Variants in BLTP1 observed in about 807,000 individuals in gnomAD.
The protein encoded by BLTP1 is fragile site-associated protein.
At chr4:122,315,567 A>G in the BLTP1 span, 4 of 1,613,988 alleles carry the variant, frequency 2.5e-6, no homozygotes, top group East Asian at 2.2e-5. Context: ...GCTCTGGGCA[A>G]TACTCTTACA....
At chr4:122,355,745 G>C in the BLTP1 span, 2 of 1,516,188 alleles carry the variant, frequency 1.3e-6, no homozygotes, top group Non-Finnish European at 1.8e-6. Flanking sequence ...ATATAGGCTT[G>C]TCAATGCCTA....
the BLTP1 span, chr4:122,207,898 C>G: frequency 1.0e-6 from 1 of 984,010 alleles, no homozygotes. Context: ...TGTGGCTAAT[C>G]TGTATGTTAG....
the BLTP1 span, chr4:122,207,032 G>A: frequency 3.8e-6 from 5 of 1,314,006 alleles, no homozygotes; most frequent in Middle Eastern, 2.7e-4. Context: ...TTTTTGACTG[G>A]TGTTAGAAAA....
At chr4:122,264,748 G>A in the BLTP1 span, among the ~76,000 whole-genome samples, 2 of 152,172 alleles carry the variant, frequency 1.3e-5, no homozygotes, top group Admixed American at 6.5e-5. Flanking sequence ...TTTATTGAGC[G>A]AGCAGTGGGG....
chr4:122,271,385 T>C, the BLTP1 span: 2 of 1,613,750 alleles, frequency 1.2e-6, no homozygotes, highest in African/African-American at 2.7e-5. Flanking sequence ...TTCATCTGAC[T>C]TTAGCCGCAG....
the BLTP1 span, chr4:122,356,718 T>C: frequency 1.9e-6 from 3 of 1,613,480 alleles, no homozygotes; most frequent in African/African-American, 2.7e-5. Flanking sequence ...TGTTTCTTCA[T>C]GATTTAGTAT....
At chr4:122,356,328 C>T in the BLTP1 span, among the ~76,000 whole-genome samples, 29 of 152,254 alleles carry the variant, frequency 1.9e-4, no homozygotes, top group African/African-American at 6.3e-4. Flanking sequence ...AGGAAATGCT[C>T]ATTGGAGGAT....
chr4:122,355,487 A>T, the BLTP1 span, among the ~76,000 whole-genome samples: 1 of 150,994 alleles, frequency 6.6e-6, no homozygotes, highest in African/African-American at 2.4e-5. Context: ...TATTGGGTTT[A>T]TACAAATCCC....
chr4:122,359,702 G>T, the BLTP1 span: 2 of 1,610,550 alleles, frequency 1.2e-6, no homozygotes, highest in Non-Finnish European at 8.5e-7. Flanking sequence ...GCAATACATG[G>T]CATCTAGAAC....
At chr4:122,336,144 T>C in the BLTP1 span, 2 of 1,470,268 alleles carry the variant, frequency 1.4e-6, no homozygotes, top group Non-Finnish European at 1.8e-6. Context: ...TTCTGTTTAA[T>C]TGGAACTTTT....
the BLTP1 span, chr4:122,207,170 C>T: frequency 1.3e-5 from 21 of 1,610,298 alleles, no homozygotes; most frequent in East Asian, 1.1e-4. Flanking sequence ...GTTCCATATA[C>T]GTGGAATTTT....
the BLTP1 span, chr4:122,362,172 A>C: frequency 6.2e-7 from 1 of 1,613,502 alleles, no homozygotes; most frequent in Non-Finnish European, 8.5e-7. Flanking sequence ...AGGTTCTGTC[A>C]GTTCTTATCA....
the BLTP1 span, among the ~76,000 whole-genome samples, chr4:122,314,960 T>C: frequency 1.3e-5 from 2 of 152,178 alleles, no homozygotes; most frequent in African/African-American, 4.8e-5. Flanking sequence ...TTGTAGCTCT[T>C]GTCTTTGCTT....
At chr4:122,240,344 A>G in the BLTP1 span, 1 of 1,613,354 alleles carries the variant, frequency 6.2e-7, no homozygotes, top group Non-Finnish European at 8.5e-7. Context: ...TTTCTGTTCC[A>G]ACTTTTAAGG....
chr4:122,257,604 T>A, the BLTP1 span: 1 of 992,640 alleles, frequency 1.0e-6, no homozygotes, highest in Non-Finnish European at 1.5e-6. Context: ...TATGCATCTT[T>A]TATCAGTAAG....
chr4:122,156,983 GAA>G, the BLTP1 span, among the ~76,000 whole-genome samples: 3 of 152,152 alleles, frequency 2.0e-5, no homozygotes, highest in Admixed American at 6.5e-5. Context: ...ACTTATGGTA[GAA>G]AGAGGAAATG....
chr4:122,353,020 A>G, the BLTP1 span: 16 of 1,614,086 alleles, frequency 9.9e-6, no homozygotes, highest in African/African-American at 4.0e-5. This position sits in a 1 kb window ranked among gnomAD's most constrained non-coding sequence, Gnocchi z 4.3. Flanking sequence ...TGGAGGATCA[A>G]TGAGCTTACA....
the BLTP1 span, chr4:122,350,076 T>C: frequency 6.2e-7 from 1 of 1,612,842 alleles, no homozygotes; most frequent in Non-Finnish European, 8.5e-7. Flanking sequence ...AAGAACAATG[T>C]AAGAATTAGA....
At chr4:122,174,671 TGAAAAGGACCCA>T in the BLTP1 span, 2 of 1,509,400 alleles carry the variant, frequency 1.3e-6, no homozygotes, top group South Asian at 2.3e-5. Context: ...ATTAAAAAAT[TGAAAAGGACCCA>T]TGTTAAACAT....
Sources: gnomAD v4.1 joint callset for allele counts (sites outside exome capture counted in the v4.1 genomes callset) on GRCh38, gnomAD v4.1.1 for gene constraint, Gnocchi (gnomAD v3.1) non-coding constraint, MANE v1.5 for transcripts, NCBI Gene and HGNC (gene_info 2026-07-23, HGNC 2026-07-21) for gene names.